PLXNA4: variants seen among roughly 807,000 people sequenced by gnomAD.
PLXNA4 encodes the protein plexin A4, also known as plexin-A4.
Under a neutral mutation model 191.8 loss-of-function variants are expected in PLXNA4, and 44 were observed. The observed-to-expected ratio is 0.23, with a 90% CI of 0.18 to 0.29. The LOEUF (loss-of-function observed/expected upper bound fraction) is 0.29. PLXNA4 is among the 10% of genes least tolerant of loss of function. PLXNA4 has a pLI of 1.00. For synonymous variants in PLXNA4, 1,082 were observed against 1,009.5 expected, an observed-to-expected ratio of 1.07 and a Z score of -1.36; for missense variants, 1,800 against 2,488.8, an observed-to-expected ratio of 0.72 and a Z score of 5.89.
Position 132,133,039 on chromosome 7 carries a change from C to T in PLXNA4, c.5589+10G>A. 1.2e-6 allele frequency: 2 copies of T among 1,612,426 alleles called. No homozygotes were observed. The highest frequency in any genetic ancestry group is 1.7e-6 in the Non-Finnish European group (2 of 1,179,124). On this transcript the variant is annotated intron_variant, in intron 31 of 31. Coordinates refer to ENST00000321063, the MANE Select transcript of PLXNA4 (RefSeq NM_020911.2). ...CCATCCCAATGGGCCTGGAGCAGGG[C>T]AAAGCTTACCTCCTCGCTGTATTTG...
chr7:132,537,306 T>C (rs1799883777), intron 1 of PLXNA4, among the ~76,000 whole-genome samples: 1 of 152,168 alleles, frequency 6.6e-6, no homozygotes. Context: ...AAGCAATGCC[T>C]AAAATGAGCT....
chr7:132,153,964 G>GA (rs1389727123), intron 25 of PLXNA4, among the ~76,000 whole-genome samples: 2 of 152,198 alleles, frequency 1.3e-5, no homozygotes, highest in Non-Finnish European at 2.9e-5. Flanking sequence ...AAGGGCTGCT[G>GA]AAGAAAGGAA....
chr7:132,172,939 G>A (rs17166214), intron 21 of PLXNA4, among the ~76,000 whole-genome samples: 13 of 152,096 alleles, frequency 8.5e-5, no homozygotes, highest in Middle Eastern at 6.8e-3. Flanking sequence ...ATAATTTCCC[G>A]TCCTACAACC....
At chr7:132,601,456 T>C (rs1802818547) in intron 2 of PLXNA4, among the ~76,000 whole-genome samples, 1 of 152,206 alleles carries the variant, frequency 6.6e-6, no homozygotes, top group South Asian at 2.1e-4. Context: ...GTGAAAATGG[T>C]GGGTACAACT....
chr7:132,323,380 T>G (rs987511629), intron 3 of PLXNA4, among the ~76,000 whole-genome samples: 3 of 152,242 alleles, frequency 2.0e-5, no homozygotes, highest in African/African-American at 7.2e-5. Context: ...TGTACTTGCA[T>G]CATCTCATCT....
At chr7:132,228,265 G>T in intron 6 of PLXNA4, 81 bp downstream of exon 6, 4 of 1,581,504 alleles carry the variant, frequency 2.5e-6, no homozygotes, top group East Asian at 2.3e-5. Flanking sequence ...CTCCAGAGGG[G>T]CCTTGGGCTA....
chr7:132,517,270 C>T (rs1798978612), intron 1 of PLXNA4, among the ~76,000 whole-genome samples: 1 of 152,128 alleles, frequency 6.6e-6, no homozygotes, highest in Admixed American at 6.5e-5. Flanking sequence ...CACATGGTAT[C>T]CAGGTGTGAC....
intron 10 of PLXNA4, among the ~76,000 whole-genome samples, chr7:132,209,971 C>T (rs1797743220): frequency 6.6e-6 from 1 of 152,212 alleles, no homozygotes; most frequent in Non-Finnish European, 1.5e-5. Context: ...CACTTGCACA[C>T]TCAGCCCCTT....
intron 1 of PLXNA4, among the ~76,000 whole-genome samples, chr7:132,541,512 G>A (rs887359725): frequency 6.6e-6 from 1 of 152,240 alleles, no homozygotes; most frequent in Non-Finnish European, 1.5e-5. Context: ...AATAACCAGG[G>A]AGATTATGTC....
intron 2 of PLXNA4, among the ~76,000 whole-genome samples, chr7:132,621,841 C>T (rs1368686904): frequency 6.6e-6 from 1 of 152,166 alleles, no homozygotes; most frequent in African/African-American, 2.4e-5. Context: ...AATGGTTTCC[C>T]ACTGTTGTTT....
chr7:132,144,682 C>T (rs569750192), intron 29 of PLXNA4, among the ~76,000 whole-genome samples: 42 of 152,286 alleles, frequency 2.8e-4, no homozygotes, highest in African/African-American at 9.6e-4. Context: ...GCATTTGTCC[C>T]ACACCAGCAG....
intron 20 of PLXNA4, among the ~76,000 whole-genome samples, chr7:132,178,338 G>A (rs1455494937): frequency 6.6e-6 from 1 of 152,138 alleles, no homozygotes; most frequent in South Asian, 2.1e-4. Flanking sequence ...TGACAATCCT[G>A]GGTGGGAGCT....
chr7:132,506,986 T>A (rs997756746), intron 2 of PLXNA4, among the ~76,000 whole-genome samples: 12 of 152,190 alleles, frequency 7.9e-5, no homozygotes, highest in African/African-American at 2.7e-4. Context: ...CCTAAAGACA[T>A]ACAAAGGGCT....
intron 4 of PLXNA4, among the ~76,000 whole-genome samples, chr7:132,257,170 C>A (rs1395058306): frequency 3.9e-5 from 6 of 152,360 alleles, no homozygotes; most frequent in South Asian, 2.1e-4. Flanking sequence ...CTCCAGTCCC[C>A]TCTCTTGCAG....
At chr7:132,253,572 C>T (rs1036831443) in intron 4 of PLXNA4, among the ~76,000 whole-genome samples, 2 of 152,112 alleles carry the variant, frequency 1.3e-5, no homozygotes, top group African/African-American at 4.8e-5. Flanking sequence ...CACAAGATTT[C>T]TAATATTCTG....
chr7:132,267,356 C>T (rs1394082549), intron 4 of PLXNA4, among the ~76,000 whole-genome samples: 3 of 152,190 alleles, frequency 2.0e-5, no homozygotes, highest in Non-Finnish European at 4.4e-5. Flanking sequence ...GACAACCAAC[C>T]ACACAGTCGC....
chr7:132,573,746 A>G (rs76151798), intron 1 of PLXNA4, among the ~76,000 whole-genome samples: 5,755 of 152,290 alleles, frequency 0.038, 253 homozygotes, highest in African/African-American at 0.1. Flanking sequence ...CTGGGAGGAC[A>G]GATGAGAGCC....
intron 14 of PLXNA4, among the ~76,000 whole-genome samples, chr7:132,190,476 C>A (rs2116802584): frequency 6.6e-6 from 1 of 152,350 alleles, no homozygotes; most frequent in Non-Finnish European, 1.5e-5. Flanking sequence ...TCAGAATTAC[C>A]CAGGATCTGT....
At chr7:132,322,934 G>T (rs767187977) in intron 3 of PLXNA4, among the ~76,000 whole-genome samples, 11 of 152,092 alleles carry the variant, frequency 7.2e-5, no homozygotes, top group Non-Finnish European at 1.3e-4. Context: ...TATCTCACTG[G>T]GTCCCCTCTA....
Sources: gnomAD v4.1 joint callset for allele counts (sites outside exome capture counted in the v4.1 genomes callset) on GRCh38, gnomAD v4.1.1 for gene constraint, MANE v1.5 for transcripts, NCBI Gene and HGNC (gene_info 2026-07-23, HGNC 2026-07-21) for gene names.